The following ME3 variants were observed in gnomAD, a reference collection of about 807,000 sequenced individuals.
The protein encoded by ME3 is malic enzyme 3.
ME3 carries 48 observed loss-of-function variants against 68.9 expected under a neutral mutation model. The ratio of observed to expected loss-of-function variants is 0.70; its 90% CI spans 0.55 to 0.89. ME3 has a LOEUF of 0.89. ME3 is among the 40% of genes least tolerant of loss of function. The probability of loss-of-function intolerance (pLI) is 0.00; values close to 1 mark genes in which losing one functional copy is unlikely to be tolerated. For missense variants in ME3, 675 were observed against 797.4 expected (o/e 0.85, Z 1.85); for synonymous variants, 320 against 318.8 (o/e 1.00, Z -0.04).
In ME3 at chr11:86,497,807, C is replaced by T. The variant is rs140851027; in HGVS notation, c.705+156G>A. On this transcript the variant is annotated intron_variant, in intron 6 of 14. Transcript: ENST00000543262. ...GGCAACCAGGGAAGAAGGTCCTCTA[C>T]TCCACAACTGTGTAGGGGGAATGCC... Among the ~76,000 whole-genome samples the T allele has an allele frequency of 1.9e-4, 29 of 152,258 alleles. No homozygotes were observed. The Middle Eastern group carries it at 0.01, about 54-fold the overall frequency.
intron 2 of ME3, among the ~76,000 whole-genome samples, chr11:86,645,692 G>A (rs1001567228): frequency 3.9e-5 from 6 of 152,172 alleles, no homozygotes; most frequent in Non-Finnish European, 4.4e-5. Context: ...CACAGCAATC[G>A]AGCTCTGCTA....
intron 2 of ME3, among the ~76,000 whole-genome samples, chr11:86,638,269 AGTGCAGCATGCCTGGG>A (rs1242658095): frequency 3.9e-5 from 6 of 152,322 alleles, no homozygotes; most frequent in African/African-American, 1.4e-4. Flanking sequence ...AAGTACAGGG[AGTGCAGCATGCCTGGG>A]TACACACACA....
intron 2 of ME3, among the ~76,000 whole-genome samples, chr11:86,615,739 C>T (rs931288757): frequency 6.6e-6 from 1 of 152,178 alleles, no homozygotes; most frequent in Non-Finnish European, 1.5e-5. Flanking sequence ...AATCTCAGCA[C>T]TCTGACCTTG....
At chr11:86,577,022 T>G (rs1050757022) in intron 2 of ME3, among the ~76,000 whole-genome samples, 2 of 152,162 alleles carry the variant, frequency 1.3e-5, no homozygotes, top group Admixed American at 1.3e-4. Flanking sequence ...TCCCCTGGAT[T>G]CCTGTTGTGG....
chr11:86,591,879 C>T (rs1317650434), intron 2 of ME3, among the ~76,000 whole-genome samples: 1 of 152,082 alleles, frequency 6.6e-6, no homozygotes. Flanking sequence ...TCCCACAACA[C>T]GTGGGAATTC....
At chr11:86,478,361 A>G (rs1951202940) in intron 7 of ME3, among the ~76,000 whole-genome samples, 1 of 151,108 alleles carries the variant, frequency 6.6e-6, no homozygotes, top group Admixed American at 6.6e-5. Context: ...GTTAAAGAAA[A>G]GCAATAGGCC....
chr11:86,584,800 A>C (rs1416992280), intron 2 of ME3, among the ~76,000 whole-genome samples: 1 of 152,212 alleles, frequency 6.6e-6, no homozygotes, highest in Non-Finnish European at 1.5e-5. Context: ...GGTAGGAGGA[A>C]ATGGGAAGTT....
intron 2 of ME3, among the ~76,000 whole-genome samples, chr11:86,584,428 A>G (rs1036861857): frequency 2.0e-5 from 3 of 152,230 alleles, no homozygotes; most frequent in Admixed American, 1.3e-4. Context: ...AAATTTAAAA[A>G]TGGAACTACC....
At chr11:86,640,219 G>A (rs1455667860) in intron 2 of ME3, among the ~76,000 whole-genome samples, 1 of 152,166 alleles carries the variant, frequency 6.6e-6, no homozygotes, top group Non-Finnish European at 1.5e-5. Flanking sequence ...GCCATCTTCT[G>A]GTACATAGGA....
intron 5 of ME3, among the ~76,000 whole-genome samples, chr11:86,508,111 C>T (rs1953220102): frequency 6.6e-6 from 1 of 152,096 alleles, no homozygotes; most frequent in South Asian, 2.1e-4. Context: ...TGTCATTCTA[C>T]ATTTATGCCC....
At chr11:86,663,597 A>T (rs1197191684) in intron 2 of ME3, among the ~76,000 whole-genome samples, 5 of 152,216 alleles carry the variant, frequency 3.3e-5, no homozygotes, top group African/African-American at 1.2e-4. Context: ...GTCTTTGCAA[A>T]CAAAAGTGCT....
intron 2 of ME3, among the ~76,000 whole-genome samples, chr11:86,650,452 A>C (rs1220119433): frequency 6.6e-6 from 1 of 152,218 alleles, no homozygotes; most frequent in Non-Finnish European, 1.5e-5. Flanking sequence ...GCCAAAATTG[A>C]CAAATGGGAT....
intron 2 of ME3, among the ~76,000 whole-genome samples, chr11:86,585,007 C>CA (rs1259469631): frequency 1.3e-5 from 2 of 152,056 alleles, no homozygotes; most frequent in Non-Finnish European, 2.9e-5. Flanking sequence ...AACATAACAA[C>CA]AAAAAAGAGT....
chr11:86,474,125 C>T (rs1950929476), intron 7 of ME3, among the ~76,000 whole-genome samples: 1 of 152,144 alleles, frequency 6.6e-6, no homozygotes, highest in Non-Finnish European at 1.5e-5. Context: ...AGGCCCTTCC[C>T]TTCCCAGCTC....
chr11:86,537,314 AAATAT>A (rs551104444), intron 4 of ME3, among the ~76,000 whole-genome samples: 102 of 151,334 alleles, frequency 6.7e-4, no homozygotes, highest in African/African-American at 2.3e-3. Flanking sequence ...AGTGCTACAT[AAATAT>A]AATATTATAT....
intron 2 of ME3, among the ~76,000 whole-genome samples, chr11:86,631,829 T>A (rs188404566): frequency 2.6e-5 from 4 of 152,096 alleles, no homozygotes; most frequent in Non-Finnish European, 5.9e-5. Context: ...GCCTCTCGGG[T>A]TCAAGCAATT....
intron 2 of ME3, among the ~76,000 whole-genome samples, chr11:86,580,336 C>T (rs1371789553): frequency 2.0e-5 from 3 of 152,074 alleles, no homozygotes; most frequent in African/African-American, 7.2e-5. Context: ...TGCCATTTGG[C>T]TACCAGGCTT....
At chr11:86,601,378 A>C (rs1180427030) in intron 2 of ME3, among the ~76,000 whole-genome samples, 1 of 152,224 alleles carries the variant, frequency 6.6e-6, no homozygotes, top group African/African-American at 2.4e-5. Flanking sequence ...TCCTGGACAC[A>C]TACACCCTCC....
intron 4 of ME3, among the ~76,000 whole-genome samples, chr11:86,527,587 T>G (rs1026485064): frequency 3.3e-5 from 5 of 151,898 alleles, no homozygotes; most frequent in Admixed American, 6.5e-5. Flanking sequence ...AAGGAAAAAA[T>G]GTTGAGGGCA....
Sources: allele counts gnomAD v4.1 joint callset (sites outside exome capture counted in the v4.1 genomes callset), GRCh38; gene constraint gnomAD v4.1.1; transcripts MANE v1.5; gene names NCBI Gene and HGNC (gene_info 2026-07-23, HGNC 2026-07-21).